Variants in POLR1A observed in about 807,000 individuals in gnomAD.
POLR1A encodes the protein DNA-directed RNA polymerase I subunit RPA1.
Under a neutral mutation model 205.3 loss-of-function variants are expected in POLR1A, and 84 were observed. That is an observed-to-expected ratio of 0.41 (90% confidence interval 0.34 to 0.49). The LOEUF (loss-of-function observed/expected upper bound fraction) is 0.49. Among genes scored for constraint, POLR1A ranks in the 20% least tolerant of loss-of-function variants. The probability of loss-of-function intolerance (pLI) is 0.22; values close to 1 mark genes in which losing one functional copy is unlikely to be tolerated. For synonymous variants in POLR1A, 799 were observed against 863.7 expected (o/e 0.93, Z 1.31); for missense variants, 1,645 against 2,204.5 (o/e 0.75, Z 5.08).
chr2:86,080,201 T>C (rs1445736725), intron 9 of POLR1A, among the ~76,000 whole-genome samples: 1 of 152,168 alleles, frequency 6.6e-6, no homozygotes, highest in Non-Finnish European at 1.5e-5. Flanking sequence ...GGAAGGATCT[T>C]GATGACCTCA....
At chr2:86,073,738 C>A (rs141499195) in intron 12 of POLR1A, among the ~76,000 whole-genome samples, 1 of 152,196 alleles carries the variant, frequency 6.6e-6, no homozygotes, top group African/African-American at 2.4e-5. Flanking sequence ...GGCGAGGATC[C>A]GTCTGCAGGG....
intron 27 of POLR1A, among the ~76,000 whole-genome samples, chr2:86,036,245 C>G (rs1422879457): frequency 6.6e-6 from 1 of 152,280 alleles, no homozygotes; most frequent in Non-Finnish European, 1.5e-5. Context: ...GGCTGGGGAC[C>G]GGAGGCCAAA....
chr2:86,056,837 C>T (rs185293796), intron 14 of POLR1A, among the ~76,000 whole-genome samples: 43 of 152,214 alleles, frequency 2.8e-4, no homozygotes, highest in African/African-American at 9.2e-4. Flanking sequence ...CTGTTGAGAC[C>T]TACTGCTCTG....
At position 86,031,459 on chromosome 2, in the gene POLR1A, G is replaced by A; in HGVS notation, c.4449C>T (p.Pro1483=). ...DPSLPALLTQ[P]RKPTHSQEPQ... is the part of the protein sequence containing the mutation. Reference sequence around the variant, plus strand: ...GCTCCTGGCTGTGGGTGGGTTTCCGGGGCTGCGTCAGGAGGGCGGGAAGGG... The same window carrying A: ...GCTCCTGGCTGTGGGTGGGTTTCCGAGGCTGCGTCAGGAGGGCGGGAAGGG... The change falls in exon 30 of 34, where the codon CCC becomes CCT. Residue 1483 remains proline, a synonymous_variant. Coordinates refer to ENST00000263857, the MANE Select transcript of POLR1A (RefSeq NM_015425.6). The A allele has an allele frequency of 1.2e-6, 2 of 1,614,216 alleles. No homozygotes were observed. The highest frequency in any genetic ancestry group is 1.7e-6 in the Non-Finnish European group (2 of 1,180,040).
At chr2:86,069,509 TGAG>T (rs561546946) in intron 13 of POLR1A, among the ~76,000 whole-genome samples, 80 of 152,246 alleles carry the variant, frequency 5.3e-4, no homozygotes, top group African/African-American at 1.9e-3. Context: ...GGGTTGCCCT[TGAG>T]GAGTGAACTT....
chr2:86,069,977 T>C, intron 13 of POLR1A, 41 bp downstream of exon 13: 1 of 1,591,602 alleles, frequency 6.3e-7, no homozygotes, highest in Non-Finnish European at 8.5e-7. Flanking sequence ...TGCTAAGTCA[T>C]GCTGACGATG....
rs1573808281 is a variant in POLR1A at position 86,044,481 on chromosome 2, C to T, written c.2970-177G>A. ...GGGTCTGGGCTTGCTCCAGTGTCCC[C>T]CAGCCAGGGGCTGCATTTCCTGATG... On this transcript the variant is annotated intron_variant, in intron 21 of 33. Coordinates refer to ENST00000263857, the MANE Select transcript of POLR1A (RefSeq NM_015425.6). 5 of 637,946 alleles carry T rather than the reference C, an allele frequency of 7.8e-6. No individual in the cohort carries two copies. In the East Asian group the frequency reaches 1.4e-4, roughly 18 times the overall value. 39.5% of individuals were successfully genotyped at this position (637,946 alleles called of 1,614,324 possible).
intron 1 of POLR1A, 69 bp downstream of exon 1, chr2:86,105,631 C>A: frequency 9.5e-7 from 1 of 1,053,952 alleles, no homozygotes; most frequent in Non-Finnish European, 1.5e-6. Flanking sequence ...AAAAGCGCTT[C>A]TGGGAATCGT....
intron 6 of POLR1A, among the ~76,000 whole-genome samples, chr2:86,087,369 G>C (rs778822775): frequency 1.3e-5 from 2 of 152,202 alleles, no homozygotes; most frequent in African/African-American, 2.4e-5. Flanking sequence ...AAACCCTGGT[G>C]AAAGGTTTAG....
rs1230772018 is a variant in POLR1A at position 86,042,110 on chromosome 2, A to G, written c.3358-7T>C. On this transcript the variant is annotated splice_region_variant and splice_polypyrimidine_tract_variant and intron_variant, in intron 23 of 33. Transcript: ENST00000263857. ...CATACCACATCCTCAGCATCTGAAC[A>G]GAAGGATGGGTCTCAGCTATGTGGG... is the stretch of plus-strand genomic sequence containing the variant. 3.7e-6 allele frequency: 6 copies of G among 1,604,018 alleles called. No individual in the cohort carries two copies. The highest frequency in any genetic ancestry group is 2.2e-4 in the Middle Eastern group (1 of 4,596).
chr2:86,077,911 G>C lies in POLR1A; in HGVS notation c.1328C>G (p.Ser443Ter). 2 of 1,613,938 alleles carry C rather than the reference G, an allele frequency of 1.2e-6. No individual in the cohort carries two copies. Among genetic ancestry groups the C allele is most frequent in the Non-Finnish European group, 1.7e-6 (2 of 1,180,018 alleles). The change falls in exon 11 of 34, where the codon TCA becomes TGA. Residue 443 changes from serine (S) to a stop codon, truncating the protein, a stop_gained. Coordinates refer to ENST00000263857, the MANE Select transcript of POLR1A (RefSeq NM_015425.6). LOFTEE classifies it high-confidence loss of function. ...MGKRVDYAAR[S>*]VICPDMYINT... ...GATGTACATGTCTGGGCAGATGACT[G>C]AGCGCGCAGCGTAGTCCACTCGCTT... is the stretch of plus-strand genomic sequence containing the variant.
chr2:86,029,687 C>T (rs1231647006), intron 31 of POLR1A, among the ~76,000 whole-genome samples: 2 of 151,308 alleles, frequency 1.3e-5, no homozygotes, highest in African/African-American at 4.9e-5. Context: ...AGCTCCGCCT[C>T]CTGGGTTATC....
Position 86,027,160 on chromosome 2 carries a change from A to T in POLR1A, c.*263T>A. ...GCACAGGTGAGGCCCCAGCCATCTCAGGGGGACTCAGAAGACTTGGTAAAC... is the reference window on the plus strand; with the variant it reads ...GCACAGGTGAGGCCCCAGCCATCTCTGGGGGACTCAGAAGACTTGGTAAAC... On this transcript the variant is annotated 3_prime_UTR_variant, in exon 34 of 34. Transcript: ENST00000263857. 4 of 535,876 alleles carry T rather than the reference A, an allele frequency of 7.5e-6. No individual in the cohort carries two copies. The highest frequency in any genetic ancestry group is 1.9e-5 in the African/African-American group (1 of 52,760). The allele number at this position is 535,876 out of a possible 1,614,324, so 33.2% of individuals were successfully genotyped here.
At chr2:86,044,858 C>T (rs755419878) in intron 21 of POLR1A, among the ~76,000 whole-genome samples, 22 of 152,212 alleles carry the variant, frequency 1.4e-4, no homozygotes, top group Non-Finnish European at 2.9e-5. Flanking sequence ...TCTCCGGACA[C>T]TCTGCCTAGG....
intron 9 of POLR1A, among the ~76,000 whole-genome samples, chr2:86,079,847 C>A (rs1186013884): frequency 6.6e-6 from 1 of 152,216 alleles, no homozygotes; most frequent in Non-Finnish European, 1.5e-5. Context: ...CAGGCTTGAG[C>A]TATCATGCCT....
chr2:86,045,933 T>C (rs1008280663), intron 19 of POLR1A, among the ~76,000 whole-genome samples, 164 bp from the exon 20 acceptor site: 1 of 151,908 alleles, frequency 6.6e-6, no homozygotes, highest in Non-Finnish European at 1.5e-5. Context: ...GCCTTCATTT[T>C]AAGAAAAAAA....
At chr2:86,098,567 C>A in intron 3 of POLR1A, 44 bp downstream of exon 3, 1 of 1,600,724 alleles carries the variant, frequency 6.2e-7, no homozygotes, top group Non-Finnish European at 8.5e-7. Flanking sequence ...TTCCCCACAC[C>A]ACTTTGCCTT....
chr2:86,029,923 A>ATT (rs1672351383), intron 31 of POLR1A, among the ~76,000 whole-genome samples: 1 of 152,078 alleles, frequency 6.6e-6, no homozygotes, highest in African/African-American at 2.4e-5. Flanking sequence ...TTCAAGGAAA[A>ATT]AACTCTACTC....
At chr2:86,033,413 G>C (rs1672433047) in intron 28 of POLR1A, among the ~76,000 whole-genome samples, 1 of 152,270 alleles carries the variant, frequency 6.6e-6, no homozygotes, top group African/African-American at 2.4e-5. Context: ...GGAGAGCAGA[G>C]CTATGATGCG....
Sources: gnomAD v4.1 joint callset for allele counts (sites outside exome capture counted in the v4.1 genomes callset) on GRCh38, gnomAD v4.1.1 for gene constraint, MANE v1.5 for transcripts, NCBI Gene and HGNC (gene_info 2026-07-23, HGNC 2026-07-21) for gene names.